TXNDC11: variants seen among roughly 807,000 people sequenced by gnomAD.
TXNDC11 encodes the protein thioredoxin domain-containing protein 11.
In TXNDC11, 68 loss-of-function variants were observed where a neutral mutation model predicts 78.0. That is an observed-to-expected ratio of 0.87 (90% CI 0.72 to 1.07). TXNDC11 has a LOEUF of 1.07. TXNDC11 is among the 50% of genes least tolerant of loss of function. The pLI is 0.00. For synonymous variants in TXNDC11, 571 were observed against 495.2 expected (o/e 1.15, Z -2.03); for missense variants, 1,389 against 1,221.8 (o/e 1.14, Z -2.04).
At chr16:11,733,702 G>A (rs1244236665) in intron 3 of TXNDC11, among the ~76,000 whole-genome samples, 3 of 152,112 alleles carry the variant, frequency 2.0e-5, no homozygotes, top group African/African-American at 4.8e-5. Flanking sequence ...GGAGTAATTC[G>A]TACTTTTAAA....
In TXNDC11 at chr16:11,715,198, G is replaced by A. The variant is rs2051492849; in HGVS notation, c.793+6379C>T. Among the ~76,000 whole-genome samples, 12 of 152,312 alleles carry A rather than the reference G, an allele frequency of 7.9e-5. No individual in the cohort carries two copies. In the South Asian group the frequency reaches 2.5e-3, roughly 32 times the overall value. On this transcript the variant is annotated intron_variant, in intron 5 of 11. Transcript: ENST00000283033. The stretch of plus-strand genomic sequence containing the variant: ...ACCCGGGAGGCGGAGGTTGCAGTGA[G>A]CAGAGAACGGATGTCTCAAAAACAA...
intron 5 of TXNDC11, among the ~76,000 whole-genome samples, chr16:11,706,178 A>G (rs1377754598): frequency 6.6e-6 from 1 of 152,268 alleles, no homozygotes; most frequent in East Asian, 1.9e-4. Context: ...TACAGTGACA[A>G]CTGGTGTCAA....
chr16:11,700,137 C>T (rs2141030654), intron 6 of TXNDC11, among the ~76,000 whole-genome samples: 1 of 152,330 alleles, frequency 6.6e-6, no homozygotes, highest in East Asian at 1.9e-4. Flanking sequence ...AAAACACGGG[C>T]TCAGAGTAAC....
chr16:11,695,896 G>A (rs1038899592), intron 7 of TXNDC11, among the ~76,000 whole-genome samples: 1 of 151,970 alleles, frequency 6.6e-6, no homozygotes, highest in Non-Finnish European at 1.5e-5. Flanking sequence ...TTAGCCAGGC[G>A]TAGAGGCGTG....
At chr16:11,719,306 GCTT>G (rs774342123) in intron 5 of TXNDC11, among the ~76,000 whole-genome samples, 5 of 152,230 alleles carry the variant, frequency 3.3e-5, no homozygotes, top group Non-Finnish European at 7.3e-5. Flanking sequence ...TTGAATGGAT[GCTT>G]CTTAAGCTTA....
At chr16:11,713,110 GAAAAAAA>G (rs35333554) in intron 5 of TXNDC11, among the ~76,000 whole-genome samples, 2 of 111,820 alleles carry the variant, frequency 1.8e-5, no homozygotes, top group South Asian at 3.2e-4. Context: ...TCTGTCTCAG[GAAAAAAA>G]AAAAAAAAAA....
Position 11,699,454 on chromosome 16 carries a change from G to C in TXNDC11, c.906+998C>G, listed in dbSNP as rs187828179. Among the ~76,000 whole-genome samples the C allele has an allele frequency of 2.5e-3, 385 of 152,352 alleles. 1 individual carries two copies. The highest frequency in any genetic ancestry group is 8.8e-3 in the African/African-American group (366 of 41,598). On this transcript the variant is annotated intron_variant, in intron 6 of 11. Transcript: ENST00000283033. ...GCACAAGGAGCGTAGGTGGGCAGCA[G>C]AGAAACAACCACAGCAGTGATTGTC...
At chr16:11,701,614 G>C (rs1040356089) in intron 5 of TXNDC11, among the ~76,000 whole-genome samples, 1 of 152,006 alleles carries the variant, frequency 6.6e-6, no homozygotes, top group Non-Finnish European at 1.5e-5. Context: ...TGTTAACATG[G>C]ACAAACCACA....
rs2050911873 is a variant in TXNDC11, at chr16:11,698,227, T to A, written c.1005A>T (p.Gly335=). ...CGTTATTCAGCAGGAGACTCTTGCC[T>A]CCGTGTGGCCGCAGCCACCGAAAGA... The part of the protein sequence containing the change: ...ETLFRWLRPH[G]GKSLLLNNEL... Residue 335 remains glycine, a synonymous_variant, in exon 7 of 12, where the codon GGA becomes GGT. Transcript: ENST00000283033. The A allele has an allele frequency of 6.2e-7, 1 of 1,614,126 alleles. No individual in the cohort carries two copies. Among genetic ancestry groups the A allele is most frequent in the South Asian group, 1.1e-5 (1 of 91,094 alleles).
intron 7 of TXNDC11, among the ~76,000 whole-genome samples, chr16:11,694,138 T>TC (rs2050795104): frequency 6.9e-6 from 1 of 144,564 alleles, no homozygotes. Context: ...AGACAGAGTT[T>TC]CACTCTTGTT....
chr16:11,702,024 A>C (rs1021707139), intron 5 of TXNDC11, among the ~76,000 whole-genome samples: 8 of 151,368 alleles, frequency 5.3e-5, no homozygotes, highest in African/African-American at 1.5e-4. Flanking sequence ...ATGTTAACAA[A>C]AAAAAAAAAA....
intron 5 of TXNDC11, among the ~76,000 whole-genome samples, chr16:11,714,509 G>A (rs982405970): frequency 1.3e-5 from 2 of 151,616 alleles, no homozygotes; most frequent in Admixed American, 6.6e-5. Flanking sequence ...GCGTGGTGGC[G>A]GGCGCCTGTA....
At position 11,724,480 on chromosome 16, in the gene TXNDC11, C is replaced by G. The variant is rs576174441; in HGVS notation, c.700-2810G>C. Among the ~76,000 whole-genome samples the G allele has an allele frequency of 2.0e-5, 3 of 152,216 alleles. No homozygotes were observed. In the South Asian group the frequency reaches 6.2e-4, roughly 32 times the overall value. On this transcript the variant is annotated intron_variant, in intron 4 of 11. Coordinates refer to ENST00000283033, the MANE Select transcript of TXNDC11 (RefSeq NM_015914.7). ...AATGTCCACTGAAATAAAAATGACA[C>G]CGGCCAGGTGTGGTGGCTTATGTCT...
chr16:11,725,400 G>A (rs937052329), intron 4 of TXNDC11, among the ~76,000 whole-genome samples: 4 of 150,632 alleles, frequency 2.7e-5, no homozygotes, highest in South Asian at 2.1e-4. Flanking sequence ...AGCCAACATC[G>A]TCAAAATGTT....
At chr16:11,700,667 T>C in intron 5 of TXNDC11, 103 bp from the exon 6 acceptor site, 1 of 598,954 alleles carries the variant, frequency 1.7e-6, no homozygotes, top group Non-Finnish European at 3.0e-6. Flanking sequence ...GCAGCTAAGC[T>C]CCTTCTGGTA....
Position 11,742,644 on chromosome 16 carries a change from G to C in TXNDC11, c.87C>G (p.Gly29=). The change falls in exon 1 of 12, where the codon GGC becomes GGG. Residue 29 remains glycine (G), a synonymous_variant. Transcript: ENST00000283033. ...DEGGGGGGPA[G]SDCLSSSPTL... ...TCGGGCTCGAGCTGAGGCAGTCTGA[G>C]CCCGCGGGGCCGCCGCCGCCCCCTC... The C allele has an allele frequency of 6.8e-7, 1 of 1,459,920 alleles. No homozygotes were observed. Among genetic ancestry groups the C allele is most frequent in the Non-Finnish European group, 9.0e-7 (1 of 1,111,752 alleles). The allele number at this position is 1,459,920 out of a possible 1,614,324, so 90.4% of individuals were successfully genotyped here. A position where few individuals can be genotyped will look rare whatever the true frequency, so the allele number is the denominator to read the frequency against.
At chr16:11,702,394 G>T (rs538532189) in intron 5 of TXNDC11, among the ~76,000 whole-genome samples, 1 of 152,162 alleles carries the variant, frequency 6.6e-6, no homozygotes. Context: ...CAGGCCAGGC[G>T]CAGGGGCTCA....
chr16:11,689,052 T>G (rs765628455), intron 8 of TXNDC11, among the ~76,000 whole-genome samples: 2 of 152,112 alleles, frequency 1.3e-5, no homozygotes, highest in Non-Finnish European at 1.5e-5. Flanking sequence ...TCAGAGTCCT[T>G]TGCTTCATCT....
chr16:11,733,204 C>T (rs8055637), intron 3 of TXNDC11, among the ~76,000 whole-genome samples: 67,213 of 151,726 alleles, frequency 0.44, 15,286 homozygotes, highest in Middle Eastern at 0.56. Flanking sequence ...TGCAGTGAGC[C>T]GAGATTGCAC....
Sources: allele counts gnomAD v4.1 joint callset (sites outside exome capture counted in the v4.1 genomes callset), GRCh38; gene constraint gnomAD v4.1.1; transcripts MANE v1.5; gene names NCBI Gene and HGNC (gene_info 2026-07-23, HGNC 2026-07-21).